The following NEDD4 variants were observed in gnomAD, a reference collection of about 807,000 sequenced individuals.
The protein encoded by NEDD4 is E3 ubiquitin-protein ligase NEDD4.
In NEDD4, 99 loss-of-function variants were observed where a neutral mutation model predicts 144.9. That is an observed-to-expected ratio of 0.68 (90% CI 0.58 to 0.81). NEDD4 has a LOEUF of 0.81. Ranked by LOEUF, NEDD4 falls within the 30% of genes least tolerant of loss-of-function variation. NEDD4 has a pLI of 0.00. For synonymous variants in NEDD4, 318 were observed against 350.6 expected (o/e 0.91, Z 1.04); for missense variants, 985 against 1,065.9 (o/e 0.92, Z 1.06).
At chr15:55,842,458 C>A (rs1192763731) in intron 18 of NEDD4, among the ~76,000 whole-genome samples, 3 of 152,196 alleles carry the variant, frequency 2.0e-5, no homozygotes, top group Admixed American at 6.5e-5. Context: ...GTGAACATGG[C>A]TTACTGCAGC....
intron 5 of NEDD4, among the ~76,000 whole-genome samples, chr15:55,901,866 CAT>C (rs1476653610): frequency 3.3e-5 from 5 of 152,158 alleles, no homozygotes; most frequent in Middle Eastern, 6.8e-3. Context: ...ATTTGCCAAA[CAT>C]ATAAAATTTC....
chr15:55,992,124 G>C (rs1384351660), intron 1 of NEDD4: 1 of 152,196 alleles, frequency 6.6e-6, no homozygotes, highest in Non-Finnish European at 1.5e-5. Flanking sequence ...TGATAAGAAA[G>C]CGACCACAGG....
intron 18 of NEDD4, among the ~76,000 whole-genome samples, chr15:55,844,019 A>T (rs529497008): frequency 4.7e-4 from 72 of 152,332 alleles, no homozygotes; most frequent in Non-Finnish European, 3.4e-4. Flanking sequence ...ATAGAGATGG[A>T]AGCAATGTTC....
chr15:55,957,198 G>A (rs371728867), intron 2 of NEDD4, among the ~76,000 whole-genome samples: 4 of 152,118 alleles, frequency 2.6e-5, no homozygotes, highest in East Asian at 3.9e-4. Context: ...AGTTTTTTCT[G>A]TAGATTCCTT....
chr15:55,889,358 C>T (rs1488017137), intron 5 of NEDD4, among the ~76,000 whole-genome samples: 4 of 152,074 alleles, frequency 2.6e-5, no homozygotes, highest in Non-Finnish European at 5.9e-5. Flanking sequence ...AAAGAAAATA[C>T]GGTACATATA....
chr15:55,907,681 C>A (rs940574000), intron 5 of NEDD4, among the ~76,000 whole-genome samples: 2 of 152,194 alleles, frequency 1.3e-5, no homozygotes, highest in African/African-American at 2.4e-5. Flanking sequence ...TCATTCTTAG[C>A]TGAAACAGTT....
chr15:55,968,635 A>C (rs970565648), intron 1 of NEDD4, among the ~76,000 whole-genome samples: 13 of 152,214 alleles, frequency 8.5e-5, no homozygotes, highest in African/African-American at 3.1e-4. Context: ...ATACATGAAA[A>C]GATAATCTCA....
chr15:55,930,438 A>T (rs1456466908), intron 4 of NEDD4, among the ~76,000 whole-genome samples: 3 of 152,206 alleles, frequency 2.0e-5, no homozygotes, highest in African/African-American at 7.2e-5. Context: ...TGTGGTTCAC[A>T]TGAGGAATTC....
At chr15:55,852,342 C>G (rs2034016648) in intron 13 of NEDD4, 82 bp downstream of exon 13, 1 of 1,424,608 alleles carries the variant, frequency 7.0e-7, no homozygotes, top group African/African-American at 1.5e-5. Flanking sequence ...TCCAGTGTAT[C>G]CTACAAAGTG....
chr15:55,988,739 A>G (rs968860991), intron 1 of NEDD4, among the ~76,000 whole-genome samples: 5 of 152,182 alleles, frequency 3.3e-5, no homozygotes, highest in Admixed American at 2.6e-4. Context: ...CTTGTTTTAG[A>G]AAAATACACA....
intron 4 of NEDD4, among the ~76,000 whole-genome samples, chr15:55,940,265 G>T (rs904695154): frequency 1.1e-4 from 17 of 152,158 alleles, no homozygotes; most frequent in Non-Finnish European, 2.2e-4. Flanking sequence ...AAAAGGGGGT[G>T]ATAGGAGGAA....
intron 11 of NEDD4, among the ~76,000 whole-genome samples, chr15:55,856,802 C>CTTTCCTTATGT (rs2142022823): frequency 6.6e-6 from 1 of 152,292 alleles, no homozygotes; most frequent in African/African-American, 2.4e-5. Flanking sequence ...CATGTTCTTT[C>CTTTCCTTATGT]TTTCCTTATG....
At chr15:55,880,665 A>G (rs2035155582) in intron 5 of NEDD4, among the ~76,000 whole-genome samples, 1 of 152,178 alleles carries the variant, frequency 6.6e-6, no homozygotes, top group Non-Finnish European at 1.5e-5. Flanking sequence ...ATAGGAGAGC[A>G]TAGAGGAATC....
intron 1 of NEDD4, among the ~76,000 whole-genome samples, chr15:55,986,580 C>CTTTTTTTTTTTTTTTTTT (rs58470215): frequency 1.3e-5 from 1 of 76,424 alleles, no homozygotes; most frequent in Non-Finnish European, 2.2e-5. Flanking sequence ...CCTGTCCTTG[C>CTTTTTTTTTTTTTTTTTT]TTTTTTTTTT....
intron 5 of NEDD4, among the ~76,000 whole-genome samples, chr15:55,907,414 T>C (rs1036147635): frequency 6.6e-6 from 1 of 152,224 alleles, no homozygotes; most frequent in African/African-American, 2.4e-5. Flanking sequence ...TTTACCTGCA[T>C]GAAGTAGGTA....
Position 55,830,638 on chromosome 15 carries a change from G to A in NEDD4, c.2528-52C>T, listed in dbSNP as rs28558710. ...ATTTACTCTCTACAAGGATCTCCAG[G>A]CATATCAAAACTTTTTCTAGTGTAC... On this transcript the variant is annotated intron_variant, in intron 27 of 28. Coordinates refer to ENST00000435532, the MANE Select transcript of NEDD4 (RefSeq NM_006154.4). The A allele has an allele frequency of 2.2e-3, 3,285 of 1,517,540 alleles. 66 individuals are homozygous for A. The African/African-American group carries it at 0.041, about 19-fold the overall frequency. The allele number at this position is 1,517,540 out of a possible 1,614,324, so 94.0% of individuals were successfully genotyped here.
intron 5 of NEDD4, among the ~76,000 whole-genome samples, chr15:55,879,498 C>T (rs1248806937): frequency 6.6e-6 from 1 of 152,158 alleles, no homozygotes; most frequent in Non-Finnish European, 1.5e-5. Context: ...TGAACAAAAC[C>T]CTTCCAATAA....
intron 1 of NEDD4, among the ~76,000 whole-genome samples, chr15:55,967,440 CTG>C (rs200788423): frequency 0.15 from 21,484 of 142,214 alleles, 1,893 homozygotes; most frequent in Non-Finnish European, 0.21. Context: ...CATAACTATG[CTG>C]TGTGTGTGTG....
At chr15:55,984,368 T>C (rs1238196976) in intron 1 of NEDD4, among the ~76,000 whole-genome samples, 8 of 152,214 alleles carry the variant, frequency 5.3e-5, no homozygotes, top group African/African-American at 1.9e-4. Flanking sequence ...TCATATTCCT[T>C]ATCTCTAAAA....
Sources: allele counts gnomAD v4.1 joint callset (sites outside exome capture counted in the v4.1 genomes callset), GRCh38; gene constraint gnomAD v4.1.1; transcripts MANE v1.5; gene names NCBI Gene and HGNC (gene_info 2026-07-23, HGNC 2026-07-21).